Variants in PTK2 observed in about 807,000 individuals in gnomAD.
PTK2 encodes protein tyrosine kinase 2.
Under a neutral mutation model 150.1 loss-of-function variants are expected in PTK2, and 45 were observed. That is an observed-to-expected ratio of 0.30 (90% CI 0.24 to 0.38). The LOEUF (loss-of-function observed/expected upper bound fraction) is 0.38, where lower values mean the gene tolerates loss of function less well. Among genes scored for constraint, PTK2 ranks in the 10% least tolerant of loss-of-function variants. PTK2 has a pLI of 1.00. For missense variants in PTK2, 919 were observed against 1,307.3 expected, an observed-to-expected ratio of 0.70 and a Z score of 4.58; for synonymous variants, 432 against 449.2, an observed-to-expected ratio of 0.96 and a Z score of 0.48.
At chr8:140,774,777 C>T (rs1362040211) in intron 14 of PTK2, among the ~76,000 whole-genome samples, 1 of 152,184 alleles carries the variant, frequency 6.6e-6, no homozygotes, top group Admixed American at 6.5e-5. Context: ...ATCTTCACTG[C>T]TTACTATATG....
chr8:140,959,402 G>A (rs2100182306), intron 1 of PTK2, among the ~76,000 whole-genome samples: 1 of 151,480 alleles, frequency 6.6e-6, no homozygotes, highest in Non-Finnish European at 1.5e-5. Context: ...AGCCACGCAT[G>A]GTGGCGGGTG....
chr8:140,868,367 T>C (rs981932351), intron 4 of PTK2, among the ~76,000 whole-genome samples: 6 of 152,190 alleles, frequency 3.9e-5, no homozygotes, highest in Non-Finnish European at 4.4e-5. Context: ...AAGGGAAGAA[T>C]GGAAATAGAA....
intron 27 of PTK2, among the ~76,000 whole-genome samples, chr8:140,680,350 T>C (rs1204216541): frequency 1.3e-5 from 2 of 152,096 alleles, no homozygotes; most frequent in Non-Finnish European, 2.9e-5. Context: ...GCCTCAGCCT[T>C]CTGAGTAGCT....
chr8:140,780,537 A>G (rs1007064705), intron 14 of PTK2, among the ~76,000 whole-genome samples: 2 of 152,180 alleles, frequency 1.3e-5, no homozygotes, highest in African/African-American at 4.8e-5. Context: ...AATCCAGAAT[A>G]TGAGAATAGG....
chr8:140,727,690 T>A (rs936901377), intron 22 of PTK2, among the ~76,000 whole-genome samples: 1 of 152,176 alleles, frequency 6.6e-6, no homozygotes, highest in Non-Finnish European at 1.5e-5. Context: ...AGGTTAAACA[T>A]GTTTAAGATG....
At chr8:140,952,752 TACCACC>T (rs2100179933) in intron 1 of PTK2, among the ~76,000 whole-genome samples, 1 of 152,300 alleles carries the variant, frequency 6.6e-6, no homozygotes, top group Admixed American at 6.5e-5. Context: ...GTCCTCCATT[TACCACC>T]AGACTTAGAA....
At chr8:140,830,416 GA>G in intron 8 of PTK2, 55 bp downstream of exon 8, 10 of 1,181,708 alleles carry the variant, frequency 8.5e-6, no homozygotes, top group African/African-American at 3.2e-5. Flanking sequence ...TACCACTGGG[GA>G]AAAGGTCTTG....
At chr8:140,911,225 T>A (rs2100163026) in intron 2 of PTK2, among the ~76,000 whole-genome samples, 1 of 151,954 alleles carries the variant, frequency 6.6e-6, no homozygotes, top group Non-Finnish European at 1.5e-5. Flanking sequence ...GTCTGCCTTT[T>A]TTTTCTGGCA....
At chr8:140,884,694 T>G (rs1237484604) in intron 3 of PTK2, among the ~76,000 whole-genome samples, 1 of 152,008 alleles carries the variant, frequency 6.6e-6, no homozygotes, top group Non-Finnish European at 1.5e-5. Context: ...ATACCAGTTG[T>G]TTATAGCATA....
chr8:140,852,028 C>G (rs1438335637), intron 5 of PTK2, among the ~76,000 whole-genome samples: 1 of 152,000 alleles, frequency 6.6e-6, no homozygotes, highest in Non-Finnish European at 1.5e-5. Context: ...CAAAAATTTG[C>G]TTTATTTCTT....
intron 8 of PTK2, among the ~76,000 whole-genome samples, chr8:140,827,756 C>A (rs1325345573): frequency 6.6e-6 from 1 of 152,134 alleles, no homozygotes; most frequent in Non-Finnish European, 1.5e-5. Flanking sequence ...GTGCCAGGTA[C>A]AATGTCAAAC....
exon 32 of PTK2, chr8:140,659,451 G>C: frequency 1.2e-6 from 2 of 1,600,288 alleles, no homozygotes; most frequent in Non-Finnish European, 1.7e-6. Flanking sequence ...AGCAAGACGT[G>C]CTCCTAGGGG....
At chr8:140,893,154 C>A (rs936903085) in intron 2 of PTK2, among the ~76,000 whole-genome samples, 34 of 152,026 alleles carry the variant, frequency 2.2e-4, no homozygotes, top group African/African-American at 8.2e-4. Flanking sequence ...ATGGCGAAAC[C>A]CCATCTCTAT....
At position 140,974,378 on chromosome 8, in the gene PTK2, G is replaced by A. The variant is rs766408501; in HGVS notation, c.-122+26747C>T. On this transcript the variant is annotated intron_variant, in intron 1 of 31. Coordinates refer to ENST00000522684, the Ensembl canonical transcript of PTK2. ...CATAGCCACATGAATACTAAGATAC[G>A]TTAATACTCTACAAACTTTAGCTTT... is the stretch of plus-strand genomic sequence containing the variant. 5.9e-5 allele frequency among the ~76,000 whole-genome samples: 9 copies of A among 152,130 alleles called. No individual in the cohort carries two copies. The East Asian group carries it at 1.3e-3, about 23-fold the overall frequency.
rs1348080548 is a variant in PTK2 at position 140,982,745 on chromosome 8, A to T, written c.-122+18380T>A. ...ATGAATTATGTCACATTTTAGCAGG[A>T]GTTGTCCAATGTTAGCGTACGTTTT... On this transcript the variant is annotated intron_variant, in intron 1 of 31. Transcript: ENST00000522684. Among the ~76,000 whole-genome samples the T allele has an allele frequency of 5.3e-5, 8 of 152,332 alleles. No individual in the cohort carries two copies. In the East Asian group the frequency reaches 1.3e-3, roughly 26 times the overall value.
intron 21 of PTK2, 27 bp downstream of exon 24, chr8:140,738,991 G>A (rs535120120): frequency 1.4e-6 from 2 of 1,404,852 alleles, no homozygotes; most frequent in African/African-American, 1.5e-5. Context: ...AATTTTTAAA[G>A]AATACAAAAC....
At chr8:140,682,417 C>T (rs1352647935) in intron 27 of PTK2, among the ~76,000 whole-genome samples, 2 of 152,006 alleles carry the variant, frequency 1.3e-5, no homozygotes, top group East Asian at 1.9e-4. Context: ...CAAATGACAG[C>T]GTGTGTTAAC....
At chr8:140,752,951 G>A (rs753610256) in intron 16 of PTK2, among the ~76,000 whole-genome samples, 10 of 152,216 alleles carry the variant, frequency 6.6e-5, no homozygotes, top group Non-Finnish European at 1.3e-4. Context: ...AGTCAGAGAG[G>A]AACGGAGGGG....
chr8:140,690,723 A>C (rs1216265804), intron 26 of PTK2, among the ~76,000 whole-genome samples: 1 of 152,232 alleles, frequency 6.6e-6, no homozygotes, highest in Non-Finnish European at 1.5e-5. Flanking sequence ...GTTTACAAAC[A>C]TGGAACCACA....
Sources: gnomAD v4.1 joint callset for allele counts (sites outside exome capture counted in the v4.1 genomes callset) on GRCh38, gnomAD v4.1.1 for gene constraint, MANE v1.5 for transcripts, NCBI Gene and HGNC (gene_info 2026-07-23, HGNC 2026-07-21) for gene names.